The following AVL9 variants were observed in gnomAD, a reference collection of about 807,000 sequenced individuals.
The protein encoded by AVL9 is AVL9 cell migration associated, also known as late secretory pathway protein AVL9 homolog.
Under a neutral mutation model 79.2 loss-of-function variants are expected in AVL9, and 49 were observed. The ratio of observed to expected loss-of-function variants is 0.62; its 90% CI spans 0.49 to 0.79. The LOEUF is 0.79. AVL9 is among the 30% of genes least tolerant of loss of function. The pLI is 0.00. For missense variants in AVL9, 682 were observed against 776.8 expected, an observed-to-expected ratio of 0.88 and a Z score of 1.45; for synonymous variants, 299 against 280.6, an observed-to-expected ratio of 1.07 and a Z score of -0.65.
chr7:32,528,012 A>G (rs1207774030), intron 1 of AVL9, among the ~76,000 whole-genome samples: 2 of 152,172 alleles, frequency 1.3e-5, no homozygotes, highest in African/African-American at 2.4e-5. Flanking sequence ...TTTACAATCT[A>G]TTCTCTCTAA....
At chr7:32,572,927 A>G (rs546173832) in intron 11 of AVL9, among the ~76,000 whole-genome samples, 4 of 152,100 alleles carry the variant, frequency 2.6e-5, no homozygotes, top group South Asian at 2.1e-4. Flanking sequence ...ATGTATTTCT[A>G]TATTTTCCCA....
At chr7:32,544,589 T>A (rs1282937881) in intron 2 of AVL9, 105 bp from the exon 3 acceptor site, 18 of 725,556 alleles carry the variant, frequency 2.5e-5, no homozygotes, top group Non-Finnish European at 3.6e-5. Context: ...CCTTGTTTTA[T>A]CATCATTTTT....
At chr7:32,531,286 T>A (rs1015102618) in intron 1 of AVL9, among the ~76,000 whole-genome samples, 1 of 152,136 alleles carries the variant, frequency 6.6e-6, no homozygotes, top group African/African-American at 2.4e-5. Flanking sequence ...CTGGGTCTGC[T>A]AATTTAAAGG....
Position 32,554,555 on chromosome 7 carries a change from C to T in AVL9, c.571-3C>T. 1 of 1,500,506 alleles carries T rather than the reference C, an allele frequency of 6.7e-7. No individual in the cohort carries two copies. Among genetic ancestry groups the T allele is most frequent in the Admixed American group, 2.0e-5 (1 of 50,380 alleles). The allele number at this position is 1,500,506 out of a possible 1,614,324, so 92.9% of individuals were successfully genotyped here. A position where few individuals can be genotyped will look rare whatever the true frequency, so the allele number is the denominator to read the frequency against. ...AATACAACATTTTTTTTTCCTTTTG[C>T]AGGTCTTAATCCTATTTAAGCTAAT... is the stretch of plus-strand genomic sequence containing the variant. On this transcript the variant is annotated splice_region_variant and splice_polypyrimidine_tract_variant and intron_variant, in intron 7 of 15. Coordinates refer to ENST00000318709, the MANE Select transcript of AVL9 (RefSeq NM_015060.3).
chr7:32,519,256 A>G lies in AVL9; in HGVS notation c.93+23454A>G, dbSNP rs553026435. ...AGCCTGGCCAAGATGGTGAAACCCC[A>G]TCTCTACTAAAAATACAAAAAATTA... is the stretch of plus-strand genomic sequence containing the variant. On this transcript the variant is annotated intron_variant, in intron 1 of 15. Transcript: ENST00000318709. Among the ~76,000 whole-genome samples the G allele has an allele frequency of 4.7e-3, 719 of 152,142 alleles. 7 individuals carry two copies. The highest frequency in any genetic ancestry group is 0.017 in the African/African-American group (685 of 41,514).
At chr7:32,573,899 T>C (rs1790971045) in intron 12 of AVL9, among the ~76,000 whole-genome samples, 1 of 152,218 alleles carries the variant, frequency 6.6e-6, no homozygotes, top group Non-Finnish European at 1.5e-5. Flanking sequence ...TTATAACCCA[T>C]TCTAAGAAAT....
At chr7:32,511,401 T>G (rs1400271859) in intron 1 of AVL9, among the ~76,000 whole-genome samples, 2 of 150,986 alleles carry the variant, frequency 1.3e-5, no homozygotes, top group African/African-American at 2.4e-5. Flanking sequence ...AGGGTGAGAT[T>G]TGTGAGCCAT....
chr7:32,543,178 G>A lies in AVL9; in HGVS notation c.131G>A (p.Gly44Glu). The A allele has an allele frequency of 6.2e-7, 1 of 1,614,090 alleles. No individual in the cohort carries two copies. Among genetic ancestry groups the A allele is most frequent in the Non-Finnish European group, 8.5e-7 (1 of 1,180,022 alleles). ...FSYPPLIPGD[G>E]HDSHTLPEEW... ...TACCCGCCCCTGATTCCAGGAGATG[G>A]ACATGACAGCCACACTTTACCTGAA... is the stretch of plus-strand genomic sequence containing the variant. Residue 44 changes from glycine (G) to glutamate (E), a missense_variant, in exon 2 of 16, where the codon GGA (glycine) becomes GAA (glutamate). Transcript: ENST00000318709.
intron 1 of AVL9, among the ~76,000 whole-genome samples, chr7:32,528,308 A>G (rs1788491468): frequency 6.6e-6 from 1 of 152,234 alleles, no homozygotes; most frequent in African/African-American, 2.4e-5. Flanking sequence ...GCTGGAGCCC[A>G]ACCACCTTGG....
At chr7:32,582,462 CACAA>C (rs944880195) in intron 15 of AVL9, among the ~76,000 whole-genome samples, 7 of 152,218 alleles carry the variant, frequency 4.6e-5, no homozygotes, top group Admixed American at 1.3e-4. Context: ...GAATTTAGCA[CACAA>C]ACATTTATTT....
At chr7:32,562,496 T>C in intron 10 of AVL9, 1 of 352,384 alleles carries the variant, frequency 2.8e-6, no homozygotes, top group Admixed American at 6.4e-5. Context: ...TCAGAATGTA[T>C]TTGAAATTTT....
chr7:32,520,999 CTCCT>C (rs755368090), intron 1 of AVL9, among the ~76,000 whole-genome samples: 5 of 152,092 alleles, frequency 3.3e-5, no homozygotes, highest in Non-Finnish European at 7.4e-5. Flanking sequence ...TCTGCTTTTG[CTCCT>C]TCCTTATTTT....
intron 1 of AVL9, among the ~76,000 whole-genome samples, chr7:32,503,343 TAG>T (rs1171560452): frequency 1.3e-4 from 10 of 79,106 alleles, no homozygotes; most frequent in Middle Eastern, 7.2e-3. Context: ...TCTATATATA[TAG>T]ATATAGATAT....
In AVL9 at chr7:32,503,481, C is replaced by A. The variant is rs552502406; in HGVS notation, c.93+7679C>A. Among the ~76,000 whole-genome samples, 25 of 144,644 alleles carry A rather than the reference C, an allele frequency of 1.7e-4. No individual in the cohort carries two copies. The East Asian group carries it at 5.4e-3, about 31-fold the overall frequency. The allele number at this position is 144,644 out of a possible 152,430, so 94.9% of individuals were successfully genotyped here. A position where few individuals can be genotyped will look rare whatever the true frequency, so the allele number is the denominator to read the frequency against. ...GCTGAGGCAGGAGAATCGCTTGAAC[C>A]TGGGAGGCAGAGGTTGCAGTGAGCT... is the stretch of plus-strand genomic sequence containing the variant. On this transcript the variant is annotated intron_variant, in intron 1 of 15. Transcript: ENST00000318709.
At chr7:32,581,233 A>G (rs6961207) in intron 15 of AVL9, 167,247 of 200,930 alleles carry the variant, frequency 0.83, 69,809 homozygotes, top group Admixed American at 0.87. Flanking sequence ...AGGAACTGCT[A>G]TCCTCTAAGG....
chr7:32,559,120 A>G lies in AVL9; in HGVS notation c.871A>G (p.Met291Val), dbSNP rs764232626. Residue 291 changes from methionine (M) to valine (V), a missense_variant, in exon 10 of 16, where the codon ATG (methionine) becomes GTG (valine). Coordinates refer to ENST00000318709, the MANE Select transcript of AVL9 (RefSeq NM_015060.3). ...MAGNHGEDAA[M>V]KTEEPLFQVE... ...AGGAAACCATGGAGAAGATGCTGCC[A>G]TGAAGACTGAGGAGCCTTTGTTCCA... 1.3e-5 allele frequency: 21 copies of G among 1,614,086 alleles called. No homozygotes were observed. The highest frequency in any genetic ancestry group is 1.7e-5 in the Non-Finnish European group (20 of 1,179,970).
chr7:32,528,645 A>G (rs925823899), intron 1 of AVL9, among the ~76,000 whole-genome samples: 1 of 152,132 alleles, frequency 6.6e-6, no homozygotes, highest in African/African-American at 2.4e-5. Context: ...TTTTTCAGAA[A>G]AGAAACTGCT....
intron 5 of AVL9, among the ~76,000 whole-genome samples, chr7:32,551,701 T>C (rs1244428637): frequency 6.6e-6 from 1 of 151,010 alleles, no homozygotes; most frequent in Non-Finnish European, 1.5e-5. Flanking sequence ...TGCTATGGCA[T>C]TGCTTCTGTA....
At chr7:32,566,814 C>T (rs1277702297) in intron 10 of AVL9, among the ~76,000 whole-genome samples, 1 of 152,076 alleles carries the variant, frequency 6.6e-6, no homozygotes, top group Non-Finnish European at 1.5e-5. Context: ...ACCCGGGAGG[C>T]GGAGCTTGCA....
Sources: gnomAD v4.1 joint callset for allele counts (sites outside exome capture counted in the v4.1 genomes callset) on GRCh38, gnomAD v4.1.1 for gene constraint, MANE v1.5 for transcripts, NCBI Gene and HGNC (gene_info 2026-07-23, HGNC 2026-07-21) for gene names.